TAFA4: variants seen among roughly 807,000 people sequenced by gnomAD.
TAFA4 encodes the protein chemokine-like protein TAFA-4.
In TAFA4, 20 loss-of-function variants were observed where a neutral mutation model predicts 21.1. The observed-to-expected ratio is 0.95, with a 90% CI of 0.67 to 1.38. The LOEUF (loss-of-function observed/expected upper bound fraction) is 1.38. Ranked by LOEUF, TAFA4 falls within the 40% of genes most tolerant of loss-of-function variation. The pLI is 0.00. For missense variants in TAFA4, 211 were observed against 180.9 expected (o/e 1.17, Z -0.95); for synonymous variants, 71 against 67.4 (o/e 1.05, Z -0.26).
intron 3 of TAFA4, among the ~76,000 whole-genome samples, chr3:68,811,667 G>C (rs1703842758): frequency 6.6e-6 from 1 of 152,184 alleles, no homozygotes; most frequent in Non-Finnish European, 1.5e-5. Flanking sequence ...AGAAATATGG[G>C]ACTATGTGAA....
At chr3:68,850,829 G>A (rs1056680738) in intron 3 of TAFA4, among the ~76,000 whole-genome samples, 8 of 151,914 alleles carry the variant, frequency 5.3e-5, no homozygotes, top group Non-Finnish European at 8.8e-5. Context: ...TCACTCTGTA[G>A]GTTGCCTGTT....
chr3:68,820,224 T>C (rs928530875), intron 3 of TAFA4, among the ~76,000 whole-genome samples: 2 of 152,106 alleles, frequency 1.3e-5, no homozygotes. Flanking sequence ...ACTTGTGGAA[T>C]CTAAAAATGT....
intron 3 of TAFA4, among the ~76,000 whole-genome samples, chr3:68,807,727 G>A (rs188982584): frequency 5.8e-4 from 89 of 152,272 alleles, no homozygotes; most frequent in Non-Finnish European, 1.1e-3. Context: ...GAGTTGTTTT[G>A]TTCAGAGCTT....
chr3:68,896,352 A>G lies in TAFA4; in HGVS notation c.-122-11042T>C, dbSNP rs373893704. ...GGGCAGGATCGGAAACAGGGAGTCTACTGCAGCCATCCAAGCAAGAGATGG... is the reference window on the plus strand; with the variant it reads ...GGGCAGGATCGGAAACAGGGAGTCTGCTGCAGCCATCCAAGCAAGAGATGG... On this transcript the variant is annotated intron_variant, in intron 1 of 5. Coordinates refer to ENST00000295569, the MANE Select transcript of TAFA4 (RefSeq NM_182522.5). Among the ~76,000 whole-genome samples, 54 of 152,246 alleles carry G rather than the reference A, an allele frequency of 3.5e-4. 1 individual carries two copies. Among genetic ancestry groups the G allele is most frequent in the African/African-American group, 1.3e-3 (52 of 41,534 alleles).
chr3:68,760,930 G>A (rs1254231548), intron 3 of TAFA4, among the ~76,000 whole-genome samples: 3 of 152,224 alleles, frequency 2.0e-5, no homozygotes, highest in East Asian at 3.9e-4. Flanking sequence ...CCTCTGCCAG[G>A]TGGTGAGGAT....
intron 4 of TAFA4, among the ~76,000 whole-genome samples, chr3:68,750,760 G>T (rs2106749459): frequency 6.6e-6 from 1 of 152,236 alleles, no homozygotes; most frequent in African/African-American, 2.4e-5. Context: ...ATTATTCTGG[G>T]TTAGACAATA....
chr3:68,851,626 A>C (rs887429890), intron 3 of TAFA4, among the ~76,000 whole-genome samples: 1 of 152,202 alleles, frequency 6.6e-6, no homozygotes, highest in Non-Finnish European at 1.5e-5. Context: ...TTGCTAGGCA[A>C]ATATTACCAT....
rs573283233 is a variant in TAFA4, at chr3:68,895,426, T to A, written c.-122-10116A>T. ...CTGGGATTACAAGTGTGAGCCACCG[T>A]GCCCAGCTGTTTTTGGTTTTGTTTG... On this transcript the variant is annotated intron_variant, in intron 1 of 5. Coordinates refer to ENST00000295569, the MANE Select transcript of TAFA4 (RefSeq NM_182522.5). 2.6e-5 allele frequency among the ~76,000 whole-genome samples: 4 copies of A among 152,354 alleles called. No homozygotes were observed. In the South Asian group the frequency reaches 6.2e-4, roughly 24 times the overall value.
intron 1 of TAFA4, among the ~76,000 whole-genome samples, chr3:68,888,658 A>G (rs1267763543): frequency 6.6e-6 from 1 of 152,166 alleles, no homozygotes; most frequent in Admixed American, 6.5e-5. Context: ...GGGAAGTCTA[A>G]TATCAAGGTG....
At chr3:68,752,823 C>T (rs1416510508) in intron 4 of TAFA4, 40 bp downstream of exon 4, 2 of 1,613,512 alleles carry the variant, frequency 1.2e-6, no homozygotes, top group African/African-American at 2.7e-5. Context: ...GGGTTTTGGC[C>T]TTTTTGAAAT....
In TAFA4 at chr3:68,732,904, G is replaced by A. The variant is rs1198309582; in HGVS notation, c.*238C>T. ...CGGATTTTGGAGGTATGCTCCTTGG[G>A]AATCCAGAGAGGATGTCAAATGGGT... is the stretch of plus-strand genomic sequence containing the variant. On this transcript the variant is annotated 3_prime_UTR_variant, in exon 6 of 6. Transcript: ENST00000295569. The A allele has an allele frequency of 1.9e-6, 1 of 524,020 alleles. No individual in the cohort carries two copies. The highest frequency in any genetic ancestry group is 3.0e-5 in the East Asian group (1 of 33,690). The allele number at this position is 524,020 out of a possible 1,614,324, so 32.5% of individuals were successfully genotyped here. A position where few individuals can be genotyped will look rare whatever the true frequency, so the allele number is the denominator to read the frequency against.
intron 1 of TAFA4, among the ~76,000 whole-genome samples, chr3:68,908,764 A>G (rs1418329046): frequency 6.6e-6 from 1 of 152,242 alleles, no homozygotes; most frequent in Non-Finnish European, 1.5e-5. Context: ...CATTAACAAA[A>G]GTATACTACT....
chr3:68,798,552 G>T (rs1174010004), intron 3 of TAFA4, among the ~76,000 whole-genome samples: 1 of 152,130 alleles, frequency 6.6e-6, no homozygotes, highest in Non-Finnish European at 1.5e-5. Flanking sequence ...ACATTTAGTT[G>T]CATTCAAGGG....
intron 3 of TAFA4, among the ~76,000 whole-genome samples, chr3:68,857,055 A>C (rs1357980787): frequency 6.6e-6 from 1 of 152,142 alleles, no homozygotes; most frequent in Non-Finnish European, 1.5e-5. Flanking sequence ...CTAAAATAAT[A>C]ATTACTATTA....
chr3:68,873,333 G>GACACACACAC (rs1348018956), intron 3 of TAFA4, among the ~76,000 whole-genome samples: 19 of 46,978 alleles, frequency 4.0e-4, no homozygotes, highest in East Asian at 4.1e-3. Context: ...GACACACGCA[G>GACACACACAC]ACATACACAC....
chr3:68,809,333 G>A (rs71302154), intron 3 of TAFA4, among the ~76,000 whole-genome samples: 3,668 of 152,258 alleles, frequency 0.024, 230 homozygotes, highest in East Asian at 0.24. Context: ...GTTTACCAGT[G>A]CAATGAAATT....
rs1008980335 is a variant in TAFA4, at chr3:68,731,808, T to A, written c.*1334A>T. The A allele has an allele frequency of 3.9e-5, 6 of 152,156 alleles. No individual in the cohort carries two copies. Among genetic ancestry groups the A allele is most frequent in the Non-Finnish European group, 2.9e-5 (2 of 68,018 alleles). The allele number at this position is 152,156 out of a possible 1,614,324, so 9.4% of individuals were successfully genotyped here. On this transcript the variant is annotated 3_prime_UTR_variant, in exon 6 of 6. Transcript: ENST00000295569. ...ATTTTTTTACTTATTCATATGATCA[T>A]AACAAATATTCAAAAATTACGCCAA... is the stretch of plus-strand genomic sequence containing the variant.
At chr3:68,762,810 A>T (rs1702780464) in intron 3 of TAFA4, among the ~76,000 whole-genome samples, 1 of 152,236 alleles carries the variant, frequency 6.6e-6, no homozygotes, top group Non-Finnish European at 1.5e-5. Flanking sequence ...AGACTGAGGC[A>T]GGCAGATCAC....
intron 3 of TAFA4, among the ~76,000 whole-genome samples, chr3:68,804,578 C>T (rs1044794627): frequency 3.9e-5 from 6 of 152,206 alleles, no homozygotes; most frequent in Non-Finnish European, 7.3e-5. Context: ...GTAACCAAAA[C>T]AGCATGGTAC....
Sources: gnomAD v4.1 joint callset for allele counts (sites outside exome capture counted in the v4.1 genomes callset) on GRCh38, gnomAD v4.1.1 for gene constraint, MANE v1.5 for transcripts, NCBI Gene and HGNC (gene_info 2026-07-23, HGNC 2026-07-21) for gene names.